SCYL3: variants seen among roughly 807,000 people sequenced by gnomAD.
SCYL3 encodes the protein SCY1 like pseudokinase 3.
Under a neutral mutation model 73.8 loss-of-function variants are expected in SCYL3, and 35 were observed. That is an observed-to-expected ratio of 0.47 (90% CI 0.36 to 0.63). The LOEUF is 0.63. Ranked by LOEUF, SCYL3 falls within the 20% of genes least tolerant of loss-of-function variation. The pLI is 0.00. For missense variants in SCYL3, 712 were observed against 798.9 expected (o/e 0.89, Z 1.31); for synonymous variants, 277 against 295.2 (o/e 0.94, Z 0.63).
chr1:169,894,240 G>T (rs76519675), upstream of SCYL3: 10,179 of 152,272 alleles, frequency 0.067, 444 homozygotes, highest in Non-Finnish European at 0.1. Flanking sequence ...AATGGCTGCT[G>T]GCCACTTGTA....
At chr1:169,881,726 C>A (rs1418426714) in intron 2 of SCYL3, among the ~76,000 whole-genome samples, 2 of 152,140 alleles carry the variant, frequency 1.3e-5, no homozygotes, top group Non-Finnish European at 2.9e-5. Context: ...TCACTTAACA[C>A]AGCGGTCCCC....
Position 169,888,855 on chromosome 1 carries a change from G to C in SCYL3, c.-15C>G. The C allele has an allele frequency of 6.4e-7, 1 of 1,571,064 alleles. No homozygotes were observed. Among genetic ancestry groups the C allele is most frequent in the Admixed American group, 1.8e-5 (1 of 54,742 alleles). On this transcript the variant is annotated 5_prime_UTR_variant, in exon 2 of 13. Transcript: ENST00000367771. ...TCTGATCCCATCCCTTATGCAGTGA[G>C]GCAGTACTGCCACTCTTCCTCAAAG...
chr1:169,866,353 T>G (rs1323643752), intron 8 of SCYL3, among the ~76,000 whole-genome samples: 1 of 152,238 alleles, frequency 6.6e-6, no homozygotes, highest in African/African-American at 2.4e-5. Flanking sequence ...TCCCACTCAA[T>G]AGAGAACAAA....
chr1:169,879,459 A>C (rs1344613428), intron 2 of SCYL3, among the ~76,000 whole-genome samples: 2 of 152,242 alleles, frequency 1.3e-5, no homozygotes, highest in Non-Finnish European at 2.9e-5. Flanking sequence ...GATAGACCCA[A>C]ACCAGCAGAG....
At position 169,874,617 on chromosome 1, in the gene SCYL3, G is replaced by C. The variant is rs144838606; in HGVS notation, c.466-865C>G. 2.6e-5 allele frequency among the ~76,000 whole-genome samples: 4 copies of C among 152,254 alleles called. No homozygotes were observed. In the East Asian group the frequency reaches 7.7e-4, roughly 29 times the overall value. The stretch of plus-strand genomic sequence containing the variant: ...AACTGCATGGAACAAGATGTAACCA[G>C]ACTATAGCTCAAGAACTCTTGAGTG... On this transcript the variant is annotated intron_variant, in intron 4 of 12. Transcript: ENST00000367771.
intron 2 of SCYL3, among the ~76,000 whole-genome samples, chr1:169,881,979 C>T (rs905546555): frequency 3.3e-5 from 5 of 152,362 alleles, no homozygotes; most frequent in Admixed American, 6.5e-5. Flanking sequence ...TCGCTCTCGG[C>T]GCCTCCTCTA....
chr1:169,855,891 GAGAA>G (rs754342862), intron 11 of SCYL3: 2 of 1,613,960 alleles, frequency 1.2e-6, no homozygotes, highest in South Asian at 2.2e-5. Flanking sequence ...GAATATGCTA[GAGAA>G]GGGGTTCTCC....
Position 169,867,970 on chromosome 1 carries a change from G to A in SCYL3, c.737+958C>T, listed in dbSNP as rs1660149732. Reference sequence around the variant, plus strand: ...AATATTTCTAAGAATCATCCAAAAGGGCATAGAAGTACTTTGGAAAGACTC... The same window carrying A: ...AATATTTCTAAGAATCATCCAAAAGAGCATAGAAGTACTTTGGAAAGACTC... On this transcript the variant is annotated intron_variant, in intron 7 of 12. Transcript: ENST00000367771. 3.3e-5 allele frequency among the ~76,000 whole-genome samples: 5 copies of A among 151,964 alleles called. No individual in the cohort carries two copies. In the South Asian group the frequency reaches 1.0e-3, roughly 32 times the overall value.
In SCYL3 at chr1:169,888,780, G is replaced by GT; in HGVS notation, c.60dup (p.Pro21ThrfsTer23). 1 of 1,614,050 alleles carries GT rather than the reference G, an allele frequency of 6.2e-7. No homozygotes were observed. Among genetic ancestry groups the GT allele is most frequent in the Non-Finnish European group, 8.5e-7 (1 of 1,179,928 alleles). On this transcript the variant is annotated frameshift_variant, in exon 2 of 13. Transcript: ENST00000367771. LOFTEE classifies it high-confidence loss of function. Reference sequence around the variant, plus strand: ...GCGGGATAAACAGCAAGTCCAGAGGGTAAGGTAAATGGTGGTTCTCTCAGT... The same window carrying GT: ...GCGGGATAAACAGCAAGTCCAGAGGGTTAAGGTAAATGGTGGTTCTCTCAGT...
At chr1:169,862,469 G>T in intron 10 of SCYL3, 144 bp downstream of exon 10, 1 of 834,730 alleles carries the variant, frequency 1.2e-6, no homozygotes, top group Non-Finnish European at 1.9e-6. Context: ...GAATGGAAAT[G>T]CAATTTTAAT....
In SCYL3 at chr1:169,852,760, A is replaced by G. The variant is rs765366451; in HGVS notation, c.*953T>C. On this transcript the variant is annotated 3_prime_UTR_variant, in exon 13 of 13. Transcript: ENST00000367771. Reference sequence around the variant, plus strand: ...AAGGTTCTTTATATTTAGAATGGATATTGTGATATTACTTATGTTTTTTTT... The same window carrying G: ...AAGGTTCTTTATATTTAGAATGGATGTTGTGATATTACTTATGTTTTTTTT... 45 of 1,605,164 alleles carry G rather than the reference A, an allele frequency of 2.8e-5. No individual in the cohort carries two copies. The highest frequency in any genetic ancestry group is 3.7e-5 in the Non-Finnish European group (43 of 1,173,416).
intron 9 of SCYL3, among the ~76,000 whole-genome samples, chr1:169,864,099 T>C (rs1298209190): frequency 6.6e-6 from 1 of 152,202 alleles, no homozygotes; most frequent in African/African-American, 2.4e-5. Context: ...GATGCATGCC[T>C]TACCTTAAAA....
At chr1:169,874,005 C>T (rs565625592) in intron 4 of SCYL3, among the ~76,000 whole-genome samples, 22 of 152,274 alleles carry the variant, frequency 1.4e-4, no homozygotes, top group African/African-American at 2.9e-4. Context: ...TTAACAGACA[C>T]GCTCTGCTGT....
chr1:169,875,268 G>A (rs1660712364), intron 4 of SCYL3, among the ~76,000 whole-genome samples: 1 of 152,170 alleles, frequency 6.6e-6, no homozygotes, highest in African/African-American at 2.4e-5. Context: ...CATTTCCGTA[G>A]GGATATTAAG....
In SCYL3 at chr1:169,852,702, AT is replaced by A. The variant is rs1658546342; in HGVS notation, c.*1010del. ...CTTGTGATCCAATGACTAGAATAAA[AT>A]TTGCATGTAAGCTTTACTCCAGTCC... On this transcript the variant is annotated 3_prime_UTR_variant, in exon 13 of 13. Coordinates refer to ENST00000367771, the MANE Select transcript of SCYL3 (RefSeq NM_020423.7). 3.7e-6 allele frequency: 5 copies of A among 1,354,408 alleles called. No homozygotes were observed. Among genetic ancestry groups the A allele is most frequent in the Non-Finnish European group, 5.2e-6 (5 of 967,608 alleles). The allele number at this position is 1,354,408 out of a possible 1,614,324, so 83.9% of individuals were successfully genotyped here. A position where few individuals can be genotyped will look rare whatever the true frequency, so the allele number is the denominator to read the frequency against.
chr1:169,861,479 A>AG (rs1373850200), intron 10 of SCYL3, among the ~76,000 whole-genome samples: 1 of 152,200 alleles, frequency 6.6e-6, no homozygotes, highest in Non-Finnish European at 1.5e-5. Context: ...CAAGATACCA[A>AG]GGAGCCATTT....
intron 2 of SCYL3, among the ~76,000 whole-genome samples, chr1:169,887,570 G>A (rs374057177): frequency 1.3e-5 from 2 of 152,120 alleles, no homozygotes; most frequent in East Asian, 3.8e-4. Context: ...AAGGCATTTT[G>A]TCTTTTGTAA....
Position 169,862,788 on chromosome 1 carries a change from T to C in SCYL3, c.965A>G (p.Gln322Arg), listed in dbSNP as rs187802198. The C allele has an allele frequency of 6.2e-7, 1 of 1,613,630 alleles. No individual in the cohort carries two copies. Among genetic ancestry groups the C allele is most frequent in the Admixed American group, 1.7e-5 (1 of 59,898 alleles). ...TGAGAGCAAGCAAGGAGTTTCTCCC[T>C]GCGCATGATCTACCCGAAAAATCAA... ...YLLGPKKDHA[Q>R]GETPCLLSPA... Residue 322 changes from glutamine (Q) to arginine (R), a missense_variant, in exon 10 of 13, where the codon CAG (glutamine) becomes CGG (arginine). Coordinates refer to ENST00000367771, the MANE Select transcript of SCYL3 (RefSeq NM_020423.7).
intron 6 of SCYL3, among the ~76,000 whole-genome samples, chr1:169,870,041 T>G (rs1182390271): frequency 6.6e-6 from 1 of 152,212 alleles, no homozygotes; most frequent in African/African-American, 2.4e-5. Flanking sequence ...TAGTTCAAAG[T>G]GCTTCCTACT....
Sources: allele counts gnomAD v4.1 joint callset (sites outside exome capture counted in the v4.1 genomes callset), GRCh38; gene constraint gnomAD v4.1.1; transcripts MANE v1.5; gene names NCBI Gene and HGNC (gene_info 2026-07-23, HGNC 2026-07-21).